Variants in NTM observed in about 807,000 individuals in gnomAD.
The protein encoded by NTM is IgLON family member 2.
In NTM, 13 loss-of-function variants were observed where a neutral mutation model predicts 42.1. The observed-to-expected ratio is 0.31, with a 90% CI of 0.20 to 0.49. The LOEUF (loss-of-function observed/expected upper bound fraction) is 0.49, where lower values mean the gene tolerates loss of function less well. Ranked by LOEUF, NTM falls within the 20% of genes least tolerant of loss-of-function variation. The probability of loss-of-function intolerance (pLI) is 0.99; values close to 1 mark genes in which losing one functional copy is unlikely to be tolerated. For missense variants in NTM, 373 were observed against 452.8 expected (o/e 0.82, Z 1.60); for synonymous variants, 187 against 179.2 (o/e 1.04, Z -0.35).
chr11:131,941,534 C>A (rs1036807119), intron 2 of NTM, among the ~76,000 whole-genome samples: 1 of 152,144 alleles, frequency 6.6e-6, no homozygotes, highest in Non-Finnish European at 1.5e-5. Flanking sequence ...TCTGTCTCTC[C>A]CCTGGAACTT....
chr11:132,242,934 C>T (rs2090466455), intron 4 of NTM, among the ~76,000 whole-genome samples: 1 of 152,090 alleles, frequency 6.6e-6, no homozygotes, highest in Admixed American at 6.5e-5. Context: ...AGGAGAGTAG[C>T]ACAGCTGTAT....
chr11:131,732,276 C>A (rs2079796888), intron 1 of NTM, among the ~76,000 whole-genome samples: 1 of 152,182 alleles, frequency 6.6e-6, no homozygotes, highest in Non-Finnish European at 1.5e-5. Flanking sequence ...ATATTCGCTT[C>A]TCTCTTCATT....
chr11:131,550,567 G>C (rs148319483), intron 1 of NTM, among the ~76,000 whole-genome samples: 2 of 151,936 alleles, frequency 1.3e-5, no homozygotes, highest in African/African-American at 4.8e-5. Context: ...CTTCCCCTTC[G>C]CCTTCTGCCA....
intron 1 of NTM, among the ~76,000 whole-genome samples, chr11:131,468,871 G>T (rs73588732): frequency 2.0e-5 from 3 of 152,190 alleles, no homozygotes; most frequent in Non-Finnish European, 4.4e-5. Context: ...GGGTGAAAAG[G>T]GGCAGGTGGT....
intron 1 of NTM, among the ~76,000 whole-genome samples, chr11:131,704,336 G>A (rs565328611): frequency 1.3e-5 from 2 of 152,228 alleles, no homozygotes; most frequent in South Asian, 2.1e-4. Context: ...CCAGGCACTG[G>A]GCTGGCTCCT....
At chr11:131,656,764 A>C (rs1420073523) in intron 1 of NTM, among the ~76,000 whole-genome samples, 3 of 152,068 alleles carry the variant, frequency 2.0e-5, no homozygotes. Context: ...GGAGGCCCAG[A>C]AGTCTTCAGA....
Position 132,002,696 on chromosome 11 carries a change from T to A in NTM, c.167+91048T>A, listed in dbSNP as rs2069588165. On this transcript the variant is annotated intron_variant, in intron 2 of 8. Transcript: ENST00000683400. The surrounding 1 kb of genome is among the most constrained non-coding windows in gnomAD (Gnocchi z 4.5). ...CCTCTCGTTAGGAATGTCAGTCTAC[T>A]AAATTTTGTGGCAATACAATGCCTG... Among the ~76,000 whole-genome samples the A allele has an allele frequency of 6.6e-6, 1 of 152,206 alleles. No homozygotes were observed. The highest frequency in any genetic ancestry group is 2.1e-4 in the South Asian group (1 of 4,826).
chr11:131,576,682 C>T (rs1442433494), intron 1 of NTM, among the ~76,000 whole-genome samples: 2 of 152,158 alleles, frequency 1.3e-5, no homozygotes, highest in Admixed American at 6.5e-5. Context: ...AGAATAGTTT[C>T]CAAGACCCTT....
rs34581850 is a variant in NTM, at chr11:131,787,574, C to CG, written c.83-123986dup. Among the ~76,000 whole-genome samples, 19 of 151,922 alleles carry CG rather than the reference C, an allele frequency of 1.3e-4. No individual in the cohort carries two copies. In the South Asian group the frequency reaches 3.7e-3, roughly 30 times the overall value. ...CTAATTTTTGTATTTTTAGTACAGA[C>CG]GGGGTTTCACCATGTTGGCCAGGAT... On this transcript the variant is annotated intron_variant, in intron 1 of 8. Transcript: ENST00000683400.
chr11:131,543,439 G>A (rs113829224), intron 1 of NTM, among the ~76,000 whole-genome samples: 7,181 of 152,288 alleles, frequency 0.047, 246 homozygotes, highest in Middle Eastern at 0.092. Context: ...CCACAGAAGA[G>A]CAGGGTCTCT....
chr11:132,156,821 A>C (rs2137531595), intron 3 of NTM, among the ~76,000 whole-genome samples: 1 of 152,330 alleles, frequency 6.6e-6, no homozygotes, highest in East Asian at 1.9e-4. Context: ...GATTTGAGAT[A>C]GGGAAATTGT....
chr11:131,401,123 A>C (rs1945089440), intron 1 of NTM, among the ~76,000 whole-genome samples: 1 of 152,114 alleles, frequency 6.6e-6, no homozygotes, highest in South Asian at 2.1e-4. Flanking sequence ...AGATCAAAAC[A>C]CAACCACAAA....
chr11:131,755,613 T>C (rs1207686600), intron 1 of NTM, among the ~76,000 whole-genome samples: 5 of 152,342 alleles, frequency 3.3e-5, no homozygotes, highest in African/African-American at 7.2e-5. Flanking sequence ...TGTATTTTTA[T>C]TTCCAAAACT....
intron 2 of NTM, among the ~76,000 whole-genome samples, chr11:132,078,333 G>T (rs900470033): frequency 3.9e-5 from 6 of 152,198 alleles, no homozygotes; most frequent in African/African-American, 1.4e-4. Context: ...GGTAGCACAG[G>T]GTTAGCATAT....
intron 4 of NTM, among the ~76,000 whole-genome samples, chr11:132,270,090 C>T (rs767751030): frequency 6.6e-6 from 1 of 152,110 alleles, no homozygotes; most frequent in Admixed American, 6.6e-5. Context: ...TCTATAACTA[C>T]GGATAGCGTT....
intron 1 of NTM, among the ~76,000 whole-genome samples, chr11:131,763,709 C>CTTTT (rs557522093): frequency 1.8e-4 from 13 of 71,378 alleles, no homozygotes; most frequent in South Asian, 1.2e-3. Context: ...ATCTCTCTCT[C>CTTTT]TTTTTTTTTT....
At chr11:132,084,113 G>A (rs552204613) in intron 2 of NTM, among the ~76,000 whole-genome samples, 2 of 151,860 alleles carry the variant, frequency 1.3e-5, no homozygotes, top group Non-Finnish European at 2.9e-5. Flanking sequence ...TTATTCCGAT[G>A]TCACAATTTT....
At chr11:132,121,364 C>A (rs911040118) in intron 2 of NTM, among the ~76,000 whole-genome samples, 2 of 151,798 alleles carry the variant, frequency 1.3e-5, no homozygotes, top group Non-Finnish European at 2.9e-5. Context: ...ACTGTAGATA[C>A]CACAGTATAA....
chr11:131,835,400 A>G (rs936081604), intron 1 of NTM, among the ~76,000 whole-genome samples: 1 of 152,196 alleles, frequency 6.6e-6, no homozygotes, highest in Non-Finnish European at 1.5e-5. Context: ...ACCTCCTACA[A>G]ATAAAAAATA....
Sources: allele counts gnomAD v4.1 joint callset (sites outside exome capture counted in the v4.1 genomes callset), GRCh38; gene constraint gnomAD v4.1.1; non-coding constraint Gnocchi (gnomAD v3.1); transcripts MANE v1.5; gene names NCBI Gene and HGNC (gene_info 2026-07-23, HGNC 2026-07-21).